ROBO2: variants seen among roughly 807,000 people sequenced by gnomAD.
The protein encoded by ROBO2 is roundabout guidance receptor 2.
Under a neutral mutation model 160.8 loss-of-function variants are expected in ROBO2, and 53 were observed. The ratio of observed to expected loss-of-function variants is 0.33; its 90% CI spans 0.26 to 0.41. The LOEUF (loss-of-function observed/expected upper bound fraction) is 0.41. ROBO2 is among the 10% of genes least tolerant of loss of function. ROBO2 has a pLI of 1.00. For missense variants in ROBO2, 1,577 were observed against 1,722.4 expected (o/e 0.92, Z 1.49); for synonymous variants, 664 against 611.7 (o/e 1.09, Z -1.26).
intron 2 of ROBO2, among the ~76,000 whole-genome samples, chr3:76,599,403 C>G (rs1451103647): frequency 6.6e-6 from 1 of 152,146 alleles, no homozygotes; most frequent in Non-Finnish European, 1.5e-5. Flanking sequence ...AGGACATAAT[C>G]TTGTTCTTTT....
At chr3:76,933,524 T>C (rs1040494750) in intron 2 of ROBO2, among the ~76,000 whole-genome samples, 3 of 152,192 alleles carry the variant, frequency 2.0e-5, no homozygotes, top group Admixed American at 1.3e-4. Context: ...TGTTTTTAAC[T>C]GTAATTTTTA....
intron 2 of ROBO2, among the ~76,000 whole-genome samples, chr3:76,390,666 T>A (rs555111695): frequency 6.6e-6 from 1 of 152,224 alleles, no homozygotes; most frequent in Non-Finnish European, 1.5e-5. Context: ...TCTTTCTCTT[T>A]GGCTTTCTAC....
intron 2 of ROBO2, among the ~76,000 whole-genome samples, chr3:77,013,425 CTT>C (rs1302950278): frequency 6.6e-6 from 1 of 152,170 alleles, no homozygotes; most frequent in East Asian, 1.9e-4. Flanking sequence ...GCAAACATAA[CTT>C]TGATGTAAAA....
At chr3:76,440,392 C>T (rs542515889) in intron 2 of ROBO2, among the ~76,000 whole-genome samples, 63 of 151,860 alleles carry the variant, frequency 4.1e-4, no homozygotes, top group Non-Finnish European at 7.8e-4. Context: ...TAATGCTATC[C>T]CTCCCCTCTC....
At chr3:76,434,698 A>C in intron 2 of ROBO2, 1 of 1,092,242 alleles carries the variant, frequency 9.2e-7, no homozygotes, top group Non-Finnish European at 1.4e-6. Context: ...CTCCCCGTTC[A>C]CCAGGCAGGC....
intron 2 of ROBO2, among the ~76,000 whole-genome samples, chr3:76,287,769 A>C (rs1435927066): frequency 6.6e-6 from 1 of 152,248 alleles, no homozygotes; most frequent in Non-Finnish European, 1.5e-5. Flanking sequence ...AAAGATGATC[A>C]ATCTGCCTCA....
chr3:77,227,528 A>G (rs2086635508), intron 2 of ROBO2, among the ~76,000 whole-genome samples: 1 of 152,236 alleles, frequency 6.6e-6, no homozygotes, highest in Non-Finnish European at 1.5e-5. Flanking sequence ...CACTTGAAGA[A>G]ACACCCAGCA....
At chr3:76,477,809 A>C (rs112856831) in intron 2 of ROBO2, among the ~76,000 whole-genome samples, 3 of 152,180 alleles carry the variant, frequency 2.0e-5, no homozygotes, top group African/African-American at 7.2e-5. Context: ...CTACTAAAAA[A>C]AAATCTCCAC....
At chr3:76,121,227 G>A (rs1429731061) in intron 2 of ROBO2, among the ~76,000 whole-genome samples, 2 of 152,114 alleles carry the variant, frequency 1.3e-5, no homozygotes, top group African/African-American at 4.8e-5. Flanking sequence ...TATTTTTCCA[G>A]TAGTAGCAAT....
chr3:77,467,309 T>C (rs141145183), intron 2 of ROBO2, among the ~76,000 whole-genome samples: 1 of 152,124 alleles, frequency 6.6e-6, no homozygotes, highest in Non-Finnish European at 1.5e-5. Context: ...TTAATTTTTG[T>C]TTTCTTTGGT....
intron 2 of ROBO2, among the ~76,000 whole-genome samples, chr3:77,119,005 T>C (rs2074476220): frequency 1.3e-5 from 2 of 152,132 alleles, no homozygotes; most frequent in Admixed American, 6.6e-5. Context: ...TGGGAGGTGA[T>C]TGGATCATGG....
chr3:76,324,570 C>CT, intron 2 of ROBO2, among the ~76,000 whole-genome samples: 1 of 152,280 alleles, frequency 6.6e-6, no homozygotes, highest in African/African-American at 2.4e-5. Context: ...GGTTGGAGAG[C>CT]TTTAAGTAAT....
intron 2 of ROBO2, among the ~76,000 whole-genome samples, chr3:76,536,193 G>A (rs753062273): frequency 2.0e-5 from 3 of 152,224 alleles, no homozygotes; most frequent in Non-Finnish European, 2.9e-5. Context: ...TGCTGAAGGC[G>A]TGGCTGAGGT....
intron 2 of ROBO2, among the ~76,000 whole-genome samples, chr3:76,857,414 C>G (rs753402252): frequency 4.6e-5 from 7 of 152,104 alleles, no homozygotes; most frequent in Non-Finnish European, 8.8e-5. Context: ...GAAGAAAAAT[C>G]TAACAGATTA....
chr3:76,628,123 C>T (rs2089783261), intron 2 of ROBO2, among the ~76,000 whole-genome samples: 1 of 152,192 alleles, frequency 6.6e-6, no homozygotes. Flanking sequence ...GCTTTAAATA[C>T]ATCTAAGTAG....
intron 2 of ROBO2, among the ~76,000 whole-genome samples, chr3:76,569,153 C>A (rs1330630892): frequency 6.6e-6 from 1 of 152,100 alleles, no homozygotes; most frequent in Admixed American, 6.6e-5. Context: ...TAAACATGAT[C>A]ATCAAGACTG....
At chr3:76,030,883 G>T (rs2066897113) in intron 2 of ROBO2, among the ~76,000 whole-genome samples, 1 of 152,112 alleles carries the variant, frequency 6.6e-6, no homozygotes, top group Non-Finnish European at 1.5e-5. Context: ...CTTTAAAGTA[G>T]TTTTTTCCAA....
At chr3:77,438,006 A>G (rs575036087) in intron 2 of ROBO2, among the ~76,000 whole-genome samples, 1 of 152,130 alleles carries the variant, frequency 6.6e-6, no homozygotes, top group South Asian at 2.1e-4. Context: ...AACGATAATA[A>G]CTATAATACC....
At chr3:76,974,052 A>G (rs982914482) in intron 2 of ROBO2, among the ~76,000 whole-genome samples, 4 of 152,240 alleles carry the variant, frequency 2.6e-5, no homozygotes, top group African/African-American at 9.6e-5. Context: ...CTGTTAACAA[A>G]TCACAGGATT....
Sources: gnomAD v4.1 joint callset for allele counts (sites outside exome capture counted in the v4.1 genomes callset) on GRCh38, gnomAD v4.1.1 for gene constraint, MANE v1.5 for transcripts, NCBI Gene and HGNC (gene_info 2026-07-23, HGNC 2026-07-21) for gene names.